Variants in RBFOX1 observed in about 807,000 individuals in gnomAD.
RBFOX1 encodes RNA binding fox-1 homolog 1, also known as RNA binding protein fox-1 homolog 1.
Under a neutral mutation model 57.7 loss-of-function variants are expected in RBFOX1, and 8 were observed. The observed-to-expected ratio is 0.14, with a 90% confidence interval of 0.08 to 0.25. RBFOX1 has a LOEUF of 0.25. Ranked by LOEUF, RBFOX1 falls within the 10% of genes least tolerant of loss-of-function variation. RBFOX1 has a pLI of 1.00. For synonymous variants in RBFOX1, 326 were observed against 222.4 expected (o/e 1.47, Z -4.15); for missense variants, 611 against 548.5 (o/e 1.11, Z -1.14).
chr16:6,411,383 C>G lies in RBFOX1; in HGVS notation c.-64+94326C>G, dbSNP rs113177773. On this transcript the variant is annotated intron_variant, in intron 2 of 15. Transcript: ENST00000550418. ...ATGGCAAAAATGTATATGTTTATGACTGCTGTTTTGTGTATTCCCGATGAA... is the reference window on the plus strand; with the variant it reads ...ATGGCAAAAATGTATATGTTTATGAGTGCTGTTTTGTGTATTCCCGATGAA... Among the ~76,000 whole-genome samples the G allele has an allele frequency of 4.9e-4, 74 of 152,288 alleles. 2 individuals are homozygous for G. Among genetic ancestry groups the G allele is most frequent in the African/African-American group, 1.8e-3 (74 of 41,560 alleles).
intron 2 of RBFOX1, among the ~76,000 whole-genome samples, chr16:5,529,571 AT>A (rs56190045): frequency 5.3e-4 from 76 of 143,544 alleles, no homozygotes; most frequent in African/African-American, 9.8e-4. Flanking sequence ...TCATTTATGT[AT>A]TTTTTTTTTT....
At chr16:7,488,853 C>T (rs1366939564) in intron 4 of RBFOX1, among the ~76,000 whole-genome samples, 1 of 152,186 alleles carries the variant, frequency 6.6e-6, no homozygotes, top group Non-Finnish European at 1.5e-5. Flanking sequence ...CATTATCTAT[C>T]TATACATTCA....
chr16:6,992,932 T>C (rs528855002), intron 3 of RBFOX1, among the ~76,000 whole-genome samples: 2 of 152,242 alleles, frequency 1.3e-5, no homozygotes, highest in East Asian at 1.9e-4. Context: ...ATGGATTTCA[T>C]TGTAGAATGC....
chr16:6,661,839 A>G (rs1339344328), intron 3 of RBFOX1, among the ~76,000 whole-genome samples: 3 of 152,162 alleles, frequency 2.0e-5, no homozygotes, highest in Non-Finnish European at 4.4e-5. Flanking sequence ...TGGTAGTTCA[A>G]CTTCTAATTT....
chr16:7,565,003 C>T (rs570448208), intron 5 of RBFOX1, among the ~76,000 whole-genome samples: 8 of 152,154 alleles, frequency 5.3e-5, no homozygotes, highest in Non-Finnish European at 1.2e-4. Context: ...GCATTAACTA[C>T]ATCCAAAGCT....
chr16:7,611,165 C>T (rs890590676), intron 10 of RBFOX1, among the ~76,000 whole-genome samples: 2 of 152,180 alleles, frequency 1.3e-5, no homozygotes, highest in Admixed American at 1.3e-4. Context: ...CGTTGTCTCT[C>T]AGAATGAGGC....
At chr16:7,429,563 C>G (rs1568859538) in intron 4 of RBFOX1, among the ~76,000 whole-genome samples, 2 of 152,160 alleles carry the variant, frequency 1.3e-5, no homozygotes, top group South Asian at 2.1e-4. Context: ...CTATTTTGTC[C>G]TCTCATACAC....
chr16:7,092,429 C>A (rs567360529), intron 4 of RBFOX1, among the ~76,000 whole-genome samples: 9 of 152,330 alleles, frequency 5.9e-5, no homozygotes, highest in African/African-American at 1.9e-4. Flanking sequence ...TGTTTTGTAA[C>A]CTGCTTTTAT....
chr16:7,035,697 A>T (rs974939605), intron 3 of RBFOX1, among the ~76,000 whole-genome samples: 1 of 152,168 alleles, frequency 6.6e-6, no homozygotes, highest in Non-Finnish European at 1.5e-5. Flanking sequence ...CAGCCAGGTG[A>T]CCTAGATTTT....
At chr16:5,650,900 C>G (rs1426472161) in intron 3 of RBFOX1, among the ~76,000 whole-genome samples, 3 of 150,240 alleles carry the variant, frequency 2.0e-5, no homozygotes, top group African/African-American at 7.5e-5. Context: ...TTCCTGTCTC[C>G]TCACTCTCTC....
intron 4 of RBFOX1, among the ~76,000 whole-genome samples, chr16:7,453,503 G>A (rs1322190160): frequency 6.6e-6 from 1 of 152,182 alleles, no homozygotes; most frequent in Admixed American, 6.5e-5. Flanking sequence ...GCCTTAAAAG[G>A]ACGAGCAGGG....
intron 4 of RBFOX1, chr16:7,333,127 G>C: frequency 1.3e-6 from 2 of 1,566,634 alleles, no homozygotes; most frequent in Non-Finnish European, 1.8e-6. Context: ...CTTAACTCCA[G>C]AGTGCTCAGA....
At chr16:7,338,755 C>G (rs1187225294) in intron 4 of RBFOX1, among the ~76,000 whole-genome samples, 1 of 152,182 alleles carries the variant, frequency 6.6e-6, no homozygotes, top group Non-Finnish European at 1.5e-5. Context: ...AGTAACCATC[C>G]TTATAGAAAG....
chr16:5,379,188 G>C (rs1337636681), intron 1 of RBFOX1, among the ~76,000 whole-genome samples: 5 of 151,720 alleles, frequency 3.3e-5, no homozygotes, highest in African/African-American at 4.9e-5. Context: ...TCAAGGCACT[G>C]ACGGGGACCA....
chr16:7,433,430 A>G (rs2098697842), intron 4 of RBFOX1, among the ~76,000 whole-genome samples: 1 of 152,200 alleles, frequency 6.6e-6, no homozygotes, highest in Admixed American at 6.5e-5. Flanking sequence ...TTCAAGTCTA[A>G]TAGGGGATAA....
chr16:6,936,299 G>A (rs548711963), intron 3 of RBFOX1, among the ~76,000 whole-genome samples: 9 of 152,290 alleles, frequency 5.9e-5, no homozygotes, highest in African/African-American at 2.2e-4. Context: ...ATGCCGTTAA[G>A]TTTGTTGGAA....
chr16:5,289,665 G>A (rs1445445931), intron 1 of RBFOX1, among the ~76,000 whole-genome samples: 1 of 152,194 alleles, frequency 6.6e-6, no homozygotes, highest in East Asian at 1.9e-4. Flanking sequence ...TGGACCCTGA[G>A]GGTCTAGGGG....
intron 3 of RBFOX1, among the ~76,000 whole-genome samples, chr16:7,022,841 G>A (rs1365271351): frequency 2.0e-5 from 3 of 152,160 alleles, no homozygotes; most frequent in Non-Finnish European, 4.4e-5. Flanking sequence ...AAGCTGAGGG[G>A]CAGAGAATTT....
intron 4 of RBFOX1, among the ~76,000 whole-genome samples, chr16:7,244,323 C>T (rs767847513): frequency 2.5e-4 from 37 of 148,136 alleles, no homozygotes; most frequent in Non-Finnish European, 3.6e-4. Flanking sequence ...TTATCTTGAT[C>T]TTGAAAGTTG....
Sources: allele counts gnomAD v4.1 joint callset (sites outside exome capture counted in the v4.1 genomes callset), GRCh38; gene constraint gnomAD v4.1.1; transcripts MANE v1.5; gene names NCBI Gene and HGNC (gene_info 2026-07-23, HGNC 2026-07-21).